Variants in ACVR1 observed in about 807,000 individuals in gnomAD.
The protein encoded by ACVR1 is activin A receptor type 1.
In ACVR1, 38 loss-of-function variants were observed where a neutral mutation model predicts 57.1. That is an observed-to-expected ratio of 0.67 (90% CI 0.51 to 0.87). The LOEUF (loss-of-function observed/expected upper bound fraction) is 0.87, where lower values mean the gene tolerates loss of function less well. Among genes scored for constraint, ACVR1 ranks in the 40% least tolerant of loss-of-function variants. The pLI, the probability that ACVR1 is intolerant of heterozygous loss-of-function variation, is 0.00. For synonymous variants in ACVR1, 212 were observed against 228.1 expected (o/e 0.93, Z 0.63); for missense variants, 463 against 638.2 (o/e 0.73, Z 2.96).
rs908068543 is a variant in ACVR1, at chr2:157,753,011, C to G, written c.1264+7869G>C. Among the ~76,000 whole-genome samples the G allele has an allele frequency of 2.0e-3, 307 of 152,202 alleles. 2 individuals are homozygous for G. Among genetic ancestry groups the G allele is most frequent in the African/African-American group, 7.3e-3 (302 of 41,534 alleles). On this transcript the variant is annotated intron_variant, in intron 9 of 10. Transcript: ENST00000434821. Reference sequence around the variant, plus strand: ...GCCTAAATGCTCCACTGAAAAGATACAGAATTGCAAAATAGATAAGAATTC... The same window carrying G: ...GCCTAAATGCTCCACTGAAAAGATAGAGAATTGCAAAATAGATAAGAATTC...
intron 1 of ACVR1, among the ~76,000 whole-genome samples, chr2:157,821,808 T>G (rs1240303964): frequency 4.6e-5 from 7 of 152,234 alleles, no homozygotes; most frequent in Admixed American, 4.6e-4. Context: ...ACTCTAATTT[T>G]GGGCATTTAA....
intron 1 of ACVR1, among the ~76,000 whole-genome samples, chr2:157,827,307 C>T (rs1688418743): frequency 6.6e-6 from 1 of 152,098 alleles, no homozygotes; most frequent in Non-Finnish European, 1.5e-5. Context: ...TGATTGCCCA[C>T]TGTGCAGAGA....
rs191060774 is a variant in ACVR1, at chr2:157,876,253, G to A, written c.-640C>T. Among the ~76,000 whole-genome samples, 53 of 150,216 alleles carry A rather than the reference G, an allele frequency of 3.5e-4. No individual in the cohort carries two copies. Among genetic ancestry groups the A allele is most frequent in the Admixed American group, 1.3e-3 (19 of 15,154 alleles). On this transcript the variant is annotated 5_prime_UTR_variant, in exon 1 of 11. Coordinates refer to ENST00000434821, the MANE Select transcript of ACVR1 (RefSeq NM_001111067.4). ...TGGGCTTGCCCCCGGGGGCGGCGGGGGAGACCGTCACAGAGAGTAGAAAAG... is the reference window on the plus strand; with the variant it reads ...TGGGCTTGCCCCCGGGGGCGGCGGGAGAGACCGTCACAGAGAGTAGAAAAG...
intron 1 of ACVR1, among the ~76,000 whole-genome samples, chr2:157,863,014 T>C (rs1689774137): frequency 7.8e-4 from 3 of 3,864 alleles, no homozygotes; most frequent in Non-Finnish European, 2.2e-3. Flanking sequence ...ACATTTACTT[T>C]TTTTTTTTTT....
intron 10 of ACVR1, among the ~76,000 whole-genome samples, chr2:157,738,067 G>A (rs1341334470): frequency 6.6e-6 from 1 of 152,158 alleles, no homozygotes; most frequent in Non-Finnish European, 1.5e-5. Flanking sequence ...CCAGCAGCTT[G>A]TGTTTGGGAT....
chr2:157,814,651 C>A (rs1324332255), intron 2 of ACVR1, among the ~76,000 whole-genome samples: 1 of 152,200 alleles, frequency 6.6e-6, no homozygotes, highest in African/African-American at 2.4e-5. Flanking sequence ...GATACACTCA[C>A]ACGTTTGAAA....
Position 157,876,118 on chromosome 2 carries a change from G to A in ACVR1, c.-505C>T, listed in dbSNP as rs2105396028. Among the ~76,000 whole-genome samples the A allele has an allele frequency of 6.7e-6, 1 of 149,468 alleles. No homozygotes were observed. The highest frequency in any genetic ancestry group is 2.1e-4 in the South Asian group (1 of 4,736). On this transcript the variant is annotated 5_prime_UTR_variant, in exon 1 of 11. Coordinates refer to ENST00000434821, the MANE Select transcript of ACVR1 (RefSeq NM_001111067.4). ...GGGGAAAGAGCCGGGGGAGGGCGGG[G>A]AGGCGGGGTGAAGAGGAGGAGGAAG... is the stretch of plus-strand genomic sequence containing the variant.
Position 157,760,583 on chromosome 2 carries a change from G to A in ACVR1, c.1264+297C>T, listed in dbSNP as rs141492012. Among the ~76,000 whole-genome samples the A allele has an allele frequency of 9.9e-5, 15 of 152,140 alleles. No individual in the cohort carries two copies. In the East Asian group the frequency reaches 1.3e-3, roughly 14 times the overall value. On this transcript the variant is annotated intron_variant, in intron 9 of 10. Coordinates refer to ENST00000434821, the MANE Select transcript of ACVR1 (RefSeq NM_001111067.4). ...TGTACCCCATAAACGCAAGTATTAC[G>A]TATCAATTTTAAAAATTTAAAAGAA...
chr2:157,739,430 A>G (rs974396943), intron 9 of ACVR1, among the ~76,000 whole-genome samples: 1 of 152,140 alleles, frequency 6.6e-6, no homozygotes, highest in African/African-American at 2.4e-5. Context: ...TAAACAGAAA[A>G]ATTTTTAACT....
intron 1 of ACVR1, among the ~76,000 whole-genome samples, chr2:157,858,861 C>G (rs1172693022): frequency 6.6e-6 from 1 of 152,082 alleles, no homozygotes; most frequent in East Asian, 1.9e-4. Flanking sequence ...TAAAGCAATC[C>G]TCCTGCTTCG....
At chr2:157,863,575 T>C (rs1015174176) in intron 1 of ACVR1, among the ~76,000 whole-genome samples, 4 of 150,832 alleles carry the variant, frequency 2.7e-5, no homozygotes, top group African/African-American at 4.9e-5. Context: ...TGCATGCCTG[T>C]AATCCCACCT....
chr2:157,847,005 G>A lies in ACVR1; in HGVS notation c.-182-28446C>T, dbSNP rs143985078. ...ACATGTGTGCATGGTCCCCAGAATC[G>A]ATATGTATGTATATAAGCCCTCAGA... On this transcript the variant is annotated intron_variant, in intron 1 of 10. Transcript: ENST00000434821. Among the ~76,000 whole-genome samples the A allele has an allele frequency of 3.6e-3, 545 of 152,164 alleles. 4 individuals carry two copies. The highest frequency in any genetic ancestry group is 4.7e-3 in the Non-Finnish European group (320 of 67,996).
intron 1 of ACVR1, among the ~76,000 whole-genome samples, chr2:157,837,792 T>C (rs185461819): frequency 6.6e-6 from 1 of 151,674 alleles, no homozygotes; most frequent in Non-Finnish European, 1.5e-5. Flanking sequence ...TGGGCAAAAG[T>C]AGGAGGAGAA....
chr2:157,755,750 T>G (rs78952304), intron 9 of ACVR1, among the ~76,000 whole-genome samples: 6,579 of 152,146 alleles, frequency 0.043, 467 homozygotes, highest in African/African-American at 0.15. Flanking sequence ...AAAAGCAGTC[T>G]ACAAATTCAA....
rs1559028591 is a variant in ACVR1 at position 157,738,566 on chromosome 2, T to C, written c.1269A>G (p.Ile423Met). Residue 423 changes from isoleucine to methionine, a missense_variant, in exon 10 of 11, where the codon ATA becomes ATG. Physicochemically the swap from Ile to Met is conservative, Grantham distance 10. Coordinates refer to ENST00000434821, the MANE Select transcript of ACVR1 (RefSeq NM_001111067.4). ...AGAACGGTGGCTTGTAATCCTCCAC[T>C]ATACCTGCACACAAGGACAAGAATT... ...EVARRMVSNG[I>M]VEDYKPPFYD... 6.2e-7 allele frequency: 1 copy of C among 1,614,038 alleles called. No individual in the cohort carries two copies. Among genetic ancestry groups the C allele is most frequent in the South Asian group, 1.1e-5 (1 of 91,082 alleles).
chr2:157,778,283 C>T lies in ACVR1; in HGVS notation c.391G>A (p.Val131Ile), dbSNP rs767431486. Residue 131 changes from valine to isoleucine, a missense_variant, in exon 5 of 11, where the codon GTA becomes ATA. By Grantham distance (29) the Val-to-Ile change is conservative. Around this residue, in one of 3 missense-constraint regions of ACVR1, gnomAD observed 203 missense variants for 235.5 expected, o/e 0.86. Transcript: ENST00000434821. ...GCTAAAAGACATACTGCGAACACTA[C>T]AGAGAGAATAATGAGGCCAACCTCC... ...HLEVGLIILSVVFAVCLLACL... is the reference protein window; with the variant it reads ...HLEVGLIILSIVFAVCLLACL... 3 of 1,614,054 alleles carry T rather than the reference C, an allele frequency of 1.9e-6. No homozygotes were observed. In the South Asian group the frequency reaches 3.3e-5, roughly 18 times the overall value.
intron 1 of ACVR1, among the ~76,000 whole-genome samples, chr2:157,825,412 T>C (rs547375968): frequency 6.6e-6 from 1 of 152,098 alleles, no homozygotes; most frequent in Admixed American, 6.6e-5. Context: ...AGGCCAGGGG[T>C]CCCCAACCCC....
At chr2:157,764,111 T>C (rs1354971579) in intron 8 of ACVR1, among the ~76,000 whole-genome samples, 1 of 152,156 alleles carries the variant, frequency 6.6e-6, no homozygotes, top group African/African-American at 2.4e-5. Flanking sequence ...ACATTTATAA[T>C]ACTTCTGGGC....
intron 3 of ACVR1, among the ~76,000 whole-genome samples, chr2:157,786,274 T>G (rs932605517): frequency 6.6e-6 from 1 of 152,108 alleles, no homozygotes; most frequent in Non-Finnish European, 1.5e-5. Context: ...TGAGGGTGAG[T>G]TGCATCTATT....
Sources: gnomAD v4.1 joint callset for allele counts (sites outside exome capture counted in the v4.1 genomes callset) on GRCh38, gnomAD v4.1.1 for gene constraint, gnomAD v4.1.1 regional missense constraint, MANE v1.5 for transcripts, NCBI Gene and HGNC (gene_info 2026-07-23, HGNC 2026-07-21) for gene names.